ATP2A1: variants seen among roughly 807,000 people sequenced by gnomAD.
The protein encoded by ATP2A1 is ATPase sarcoplasmic/endoplasmic reticulum Ca2+ transporting 1.
ATP2A1 carries 83 observed loss-of-function variants against 109.5 expected under a neutral mutation model. That is an observed-to-expected ratio of 0.76 (90% CI 0.63 to 0.91). The LOEUF (loss-of-function observed/expected upper bound fraction) is 0.91, where lower values mean the gene tolerates loss of function less well. Ranked by LOEUF, ATP2A1 falls within the 40% of genes least tolerant of loss-of-function variation. ATP2A1 has a pLI of 0.00. For missense variants in ATP2A1, 1,101 were observed against 1,341.0 expected, an observed-to-expected ratio of 0.82 and a Z score of 2.80; for synonymous variants, 505 against 537.6, an observed-to-expected ratio of 0.94 and a Z score of 0.84.
intron 12 of ATP2A1, among the ~76,000 whole-genome samples, chr16:28,896,058 T>A (rs1489556195): frequency 6.6e-6 from 1 of 152,176 alleles, no homozygotes; most frequent in Non-Finnish European, 1.5e-5. Context: ...ACTCCTGGGC[T>A]CAAACCATCC....
Position 28,902,006 on chromosome 16 carries a change from G to C in ATP2A1, c.2244G>C (p.Glu748Asp). ...DNFSTIVAAVEEGRAIYNNMK... is the reference protein window; with the variant it reads ...DNFSTIVAAVDEGRAIYNNMK... ...TCTCCACCATCGTAGCTGCTGTGGA[G>C]GAGGGCCGCGCCATCTACAACAACA... The change falls in exon 16 of 23, where the codon GAG (glutamate) becomes GAC (aspartate). Residue 748 changes from glutamate (E) to aspartate (D), a missense_variant. Physicochemically the swap from Glu to Asp is conservative, Grantham distance 45. Coordinates refer to ENST00000395503, the MANE Select transcript of ATP2A1 (RefSeq NM_004320.6). This position sits in a 1 kb window ranked among gnomAD's most constrained non-coding sequence, Gnocchi z 4.8. 1 of 1,614,236 alleles carries C rather than the reference G, an allele frequency of 6.2e-7. No individual in the cohort carries two copies. The highest frequency in any genetic ancestry group is 8.5e-7 in the Non-Finnish European group (1 of 1,180,042).
chr16:28,894,344 C>T, intron 10 of ATP2A1, 101 bp downstream of exon 10: 1 of 1,344,046 alleles, frequency 7.4e-7, no homozygotes, highest in Non-Finnish European at 1.0e-6. Flanking sequence ...TTTCACTCTC[C>T]TCTTCCTCCC....
At chr16:28,882,182 C>T (rs925082413) in intron 4 of ATP2A1, among the ~76,000 whole-genome samples, 1 of 138,798 alleles carries the variant, frequency 7.2e-6, no homozygotes, top group Non-Finnish European at 1.5e-5. Flanking sequence ...TGGTCTCGAA[C>T]TCCTGACTTC....
chr16:28,895,132 C>G (rs1963882401), intron 12 of ATP2A1, among the ~76,000 whole-genome samples, 179 bp downstream of exon 12: 1 of 152,264 alleles, frequency 6.6e-6, no homozygotes, highest in Non-Finnish European at 1.5e-5. Context: ...GTCCCTGGGG[C>G]TGCCTGGCGG....
At chr16:28,896,742 A>G in intron 12 of ATP2A1, among the ~76,000 whole-genome samples, 1 of 121,816 alleles carries the variant, frequency 8.2e-6, no homozygotes, top group African/African-American at 3.3e-5. Context: ...TTTGAGACAG[A>G]GTTTTGCTCT....
intron 9 of ATP2A1, among the ~76,000 whole-genome samples, chr16:28,893,815 A>T (rs1206089741): frequency 6.6e-6 from 1 of 151,584 alleles, no homozygotes; most frequent in Non-Finnish European, 1.5e-5. Flanking sequence ...ACACCTGGCT[A>T]ATTTTTGTAT....
chr16:28,879,907 G>C (rs1221399220), intron 3 of ATP2A1: 6 of 792,482 alleles, frequency 7.6e-6, no homozygotes, highest in Non-Finnish European at 9.6e-6. Context: ...TGCCGGCTGC[G>C]GCGCGGGGGG....
chr16:28,885,110 G>A (rs1396509043), intron 6 of ATP2A1, among the ~76,000 whole-genome samples: 5 of 151,894 alleles, frequency 3.3e-5, no homozygotes, highest in Admixed American at 2.0e-4. Context: ...TTAGCCAGGC[G>A]TGGTGGCAGG....
At chr16:28,879,455 C>T in intron 2 of ATP2A1, 46 bp from the exon 3 acceptor site, 1 of 1,573,022 alleles carries the variant, frequency 6.4e-7, no homozygotes, top group Non-Finnish European at 8.8e-7. Flanking sequence ...CAGACCTTCA[C>T]CCACTAGACC....
In ATP2A1 at chr16:28,878,614, A is replaced by C. The variant is rs746372331; in HGVS notation, c.-58A>C. ...TTGGACACACTGAGGAAGACCCCCCACGAGTGGGAACCCCCTGGAAGGAAC... is the reference window on the plus strand; with the variant it reads ...TTGGACACACTGAGGAAGACCCCCCCCGAGTGGGAACCCCCTGGAAGGAAC... On this transcript the variant is annotated 5_prime_UTR_variant, in exon 1 of 23. Coordinates refer to ENST00000395503, the MANE Select transcript of ATP2A1 (RefSeq NM_004320.6). The C allele has an allele frequency of 1.5e-5, 21 of 1,429,328 alleles. No homozygotes were observed. The highest frequency in any genetic ancestry group is 4.9e-5 in the South Asian group (4 of 82,110). 88.5% of individuals were successfully genotyped at this position (1,429,328 alleles called of 1,614,324 possible).
intron 1 of ATP2A1, 134 bp downstream of exon 1, chr16:28,878,923 G>C (rs2152195891): frequency 1.5e-6 from 2 of 1,335,020 alleles, no homozygotes; most frequent in Non-Finnish European, 2.2e-6. Flanking sequence ...TGCTCGCAGG[G>C]GGAAGAAGAT....
At chr16:28,887,948 A>C (rs747242598) in intron 8 of ATP2A1, among the ~76,000 whole-genome samples, 31 of 152,274 alleles carry the variant, frequency 2.0e-4, no homozygotes, top group Admixed American at 1.2e-3. Flanking sequence ...CTACAGGTGC[A>C]CGCCGCCATG....
chr16:28,882,121 T>G (rs1228259248), intron 4 of ATP2A1, among the ~76,000 whole-genome samples: 43 of 118,262 alleles, frequency 3.6e-4, no homozygotes, highest in Non-Finnish European at 6.4e-4. Flanking sequence ...TTTTTTTTTT[T>G]TTTTTGTACT....
Position 28,903,532 on chromosome 16 carries a change from G to A in ATP2A1, c.2980+92G>A, listed in dbSNP as rs1377562094. The A allele has an allele frequency of 1.5e-6, 2 of 1,336,982 alleles. No individual in the cohort carries two copies. Among genetic ancestry groups the A allele is most frequent in the South Asian group, 1.2e-5 (1 of 85,630 alleles). 82.8% of individuals were successfully genotyped at this position (1,336,982 alleles called of 1,614,324 possible). A position where few individuals can be genotyped will look rare whatever the true frequency, so the allele number is the denominator to read the frequency against. On this transcript the variant is annotated intron_variant, in intron 21 of 22. Coordinates refer to ENST00000395503, the MANE Select transcript of ATP2A1 (RefSeq NM_004320.6). The surrounding 1 kb of genome is among the most constrained non-coding windows in gnomAD (Gnocchi z 5.6). The stretch of plus-strand genomic sequence containing the variant: ...CGCCCCGCCCCGTACTTTGCAGGTG[G>A]TAAGTTTCTCAGCCCTGGCAGGACC...
In ATP2A1 at chr16:28,901,328, C is replaced by CAA. The variant is rs768320423; in HGVS notation, c.2100+433_2100+434dup. Among the ~76,000 whole-genome samples, 110 of 55,724 alleles carry CAA rather than the reference C, an allele frequency of 2.0e-3. 1 individual carries two copies. In the East Asian group the frequency reaches 0.021, roughly 11 times the overall value. 36.6% of individuals were successfully genotyped at this position (55,724 alleles called of 152,430 possible). ...TGGGCAATAGAGTGAGACCCTGTCT[C>CAA]AAAAAAAAAAAAAAAAAAAAAAGGT... On this transcript the variant is annotated intron_variant, in intron 15 of 22. Transcript: ENST00000395503.
chr16:28,893,890 C>T (rs1963845489), intron 9 of ATP2A1, among the ~76,000 whole-genome samples: 1 of 152,036 alleles, frequency 6.6e-6, no homozygotes, highest in African/African-American at 2.4e-5. Flanking sequence ...GGTGATCCGC[C>T]CACCTCAGCC....
chr16:28,888,849 G>C lies in ATP2A1; in HGVS notation c.991G>C (p.Ala331Pro). 1 of 1,591,550 alleles carries C rather than the reference G, an allele frequency of 6.3e-7. No homozygotes were observed. Among genetic ancestry groups the C allele is most frequent in the Non-Finnish European group, 8.6e-7 (1 of 1,165,710 alleles). The change falls in exon 9 of 23, where the codon GCC becomes CCC. Residue 331 changes from alanine (A) to proline (P), a missense_variant. Ala to Pro is a conservative substitution (Grantham distance 27). Transcript: ENST00000395503. ...LGTRRMAKKNAIVRSLPSVET... is the reference protein window; with the variant it reads ...LGTRRMAKKNPIVRSLPSVET... Reference sequence around the variant, plus strand: ...TACCCGTCGGATGGCAAAGAAGAATGCCATTGTAAGAAGCTTGCCCTCCGT... The same window carrying C: ...TACCCGTCGGATGGCAAAGAAGAATCCCATTGTAAGAAGCTTGCCCTCCGT...
At chr16:28,882,620 G>A (rs376431050) in intron 5 of ATP2A1, 31 bp downstream of exon 5, 9 of 1,612,650 alleles carry the variant, frequency 5.6e-6, no homozygotes, top group African/African-American at 2.7e-5. Flanking sequence ...GTCCAGGATG[G>A]GAGGCCTTGG....
chr16:28,889,420 C>G (rs1963707451), intron 9 of ATP2A1, among the ~76,000 whole-genome samples: 1 of 152,020 alleles, frequency 6.6e-6, no homozygotes, highest in Admixed American at 6.6e-5. Flanking sequence ...CCACGCCTGG[C>G]TAATTTTTTT....
Sources: allele counts gnomAD v4.1 joint callset (sites outside exome capture counted in the v4.1 genomes callset), GRCh38; gene constraint gnomAD v4.1.1; non-coding constraint Gnocchi (gnomAD v3.1); transcripts MANE v1.5; gene names NCBI Gene and HGNC (gene_info 2026-07-23, HGNC 2026-07-21).